Variants in ZNF469 observed in about 807,000 individuals in gnomAD.
ZNF469 encodes the protein zinc finger protein 469.
A neutral mutation model predicts 1.0 loss-of-function variants in ZNF469; 1 was observed. The observed-to-expected ratio is 1.00, with a 90% CI of 0.35 to 4.73. The LOEUF (loss-of-function observed/expected upper bound fraction) is 4.73. ZNF469 is among the 30% of genes most tolerant of loss of function. The pLI is 0.16. For synonymous variants in ZNF469, 2,703 were observed against 2,363.4 expected, an observed-to-expected ratio of 1.14 and a Z score of -4.17; for missense variants, 6,100 against 5,356.3, an observed-to-expected ratio of 1.14 and a Z score of -4.33.
chr16:88,316,102 G>A, the ZNF469 span, among the ~76,000 whole-genome samples: 1 of 152,244 alleles, frequency 6.6e-6, no homozygotes, highest in African/African-American at 2.4e-5. Context: ...AGCAGGGCCG[G>A]CCGCCCCTCA....
intron 1 of ZNF469, among the ~76,000 whole-genome samples, chr16:88,388,119 C>T (rs1904385789): frequency 2.0e-5 from 3 of 152,224 alleles, no homozygotes; most frequent in South Asian, 2.1e-4. Flanking sequence ...GCCGAGCAGG[C>T]GCGAGGGTGT....
chr16:88,429,675 G>T lies in ZNF469; in HGVS notation c.2205G>T (p.Gln735His). 1 of 1,542,276 alleles carries T rather than the reference G, an allele frequency of 6.5e-7. No individual in the cohort carries two copies. The highest frequency in any genetic ancestry group is 8.8e-7 in the Non-Finnish European group (1 of 1,141,628). Residue 735 changes from glutamine (Q) to histidine (H), a missense_variant, in exon 3 of 3, where the codon CAG (glutamine) becomes CAT (histidine). Gln to His is a conservative substitution (Grantham distance 24). Transcript: ENST00000565624. ...TGGACGTGCTGCTGACCTGCAGGCA[G>T]TGTGACCGCAACTACAGCAGCCTGG... is the stretch of plus-strand genomic sequence containing the variant. ...DQLDVLLTCR[Q>H]CDRNYSSLAA...
the ZNF469 span, among the ~76,000 whole-genome samples, chr16:88,163,610 GTAGA>G: frequency 4.9e-5 from 5 of 103,000 alleles, no homozygotes; most frequent in African/African-American, 1.7e-4. Context: ...ATGTGCATTG[GTAGA>G]TGGATGGATG....
chr16:88,158,037 G>T, the ZNF469 span, among the ~76,000 whole-genome samples: 1 of 152,068 alleles, frequency 6.6e-6, no homozygotes, highest in Admixed American at 6.5e-5. Flanking sequence ...AGGTCCTGCT[G>T]CGGGGATGCT....
At position 88,431,036 on chromosome 16, in the gene ZNF469, C is replaced by G; in HGVS notation, c.3566C>G (p.Pro1189Arg). ...ETGAAAREGG[P>R]KCADRPSVAP... ...GGAGCGGCCGCCAGGGAGGGAGGCC[C>G]CAAGTGTGCTGATCGCCCCTCAGTG... The change falls in exon 3 of 3, where the codon CCC becomes CGC. Residue 1189 changes from proline to arginine, a missense_variant. Pro to Arg is a moderately radical substitution (Grantham distance 103, BLOSUM62 -2). Transcript: ENST00000565624. 1.9e-6 allele frequency: 3 copies of G among 1,547,126 alleles called. No individual in the cohort carries two copies. The highest frequency in any genetic ancestry group is 2.6e-6 in the Non-Finnish European group (3 of 1,146,718).
the ZNF469 span, among the ~76,000 whole-genome samples, chr16:88,298,271 G>A: frequency 6.6e-6 from 1 of 152,176 alleles, no homozygotes; most frequent in African/African-American, 2.4e-5. Context: ...CGGCACCCCT[G>A]GTCAGGGCTT....
chr16:88,265,099 A>T, the ZNF469 span, among the ~76,000 whole-genome samples: 1 of 151,706 alleles, frequency 6.6e-6, no homozygotes, highest in Non-Finnish European at 1.5e-5. Flanking sequence ...CTCCGCCCTC[A>T]TCCTGTCAGG....
chr16:88,249,131 G>A, the ZNF469 span, among the ~76,000 whole-genome samples: 4 of 151,904 alleles, frequency 2.6e-5, no homozygotes, highest in Non-Finnish European at 4.4e-5. Context: ...AGTATCCCAT[G>A]TCCCAGGTGC....
chr16:88,268,923 A>T, the ZNF469 span, among the ~76,000 whole-genome samples: 2 of 152,200 alleles, frequency 1.3e-5, no homozygotes, highest in Admixed American at 1.3e-4. Context: ...ATCCTTGGAC[A>T]CATAGAGCCC....
chr16:88,263,111 G>A, the ZNF469 span, among the ~76,000 whole-genome samples: 3 of 152,210 alleles, frequency 2.0e-5, no homozygotes, highest in Non-Finnish European at 4.4e-5. Context: ...CCAGGGATTC[G>A]TGTCTGAGTT....
the ZNF469 span, among the ~76,000 whole-genome samples, chr16:88,370,028 A>T: frequency 8.5e-5 from 13 of 152,350 alleles, no homozygotes; most frequent in East Asian, 2.5e-3. Context: ...TGGACACTCC[A>T]GCAAAACCCA....
chr16:88,226,105 G>A, the ZNF469 span, among the ~76,000 whole-genome samples: 1,325 of 152,292 alleles, frequency 8.7e-3, 27 homozygotes, highest in African/African-American at 0.03. Context: ...TCATGAAACC[G>A]AGCCAGAGAT....
chr16:88,137,995 T>C, the ZNF469 span, among the ~76,000 whole-genome samples: 2 of 152,266 alleles, frequency 1.3e-5, no homozygotes, highest in Admixed American at 1.3e-4. Context: ...GGAGAGTTGC[T>C]GGTGTGGCCT....
chr16:88,366,946 C>G, the ZNF469 span, among the ~76,000 whole-genome samples: 1 of 152,090 alleles, frequency 6.6e-6, no homozygotes, highest in African/African-American at 2.4e-5. Flanking sequence ...TGAGCAATAA[C>G]AGTGCTAACA....
At chr16:88,191,274 T>C in the ZNF469 span, among the ~76,000 whole-genome samples, 1 of 151,830 alleles carries the variant, frequency 6.6e-6, no homozygotes, top group Admixed American at 6.6e-5. Context: ...TTTGGAAGAG[T>C]GAAGGGCACC....
intron 2 of ZNF469, among the ~76,000 whole-genome samples, chr16:88,425,584 C>G (rs1270969358): frequency 6.6e-6 from 1 of 152,204 alleles, no homozygotes; most frequent in African/African-American, 2.4e-5. Flanking sequence ...GCCTGGATTC[C>G]TCACCCATAA....
the ZNF469 span, among the ~76,000 whole-genome samples, chr16:88,324,334 C>T: frequency 5.4e-5 from 8 of 147,152 alleles, no homozygotes; most frequent in African/African-American, 2.0e-4. Context: ...CACACACACC[C>T]CTTATGGGAG....
At chr16:88,288,268 C>A in the ZNF469 span, among the ~76,000 whole-genome samples, 1 of 151,990 alleles carries the variant, frequency 6.6e-6, no homozygotes, top group Non-Finnish European at 1.5e-5. Context: ...GGAGCATGCC[C>A]CCAGTAGCTT....
chr16:88,344,518 A>C, the ZNF469 span, among the ~76,000 whole-genome samples: 1 of 152,170 alleles, frequency 6.6e-6, no homozygotes, highest in African/African-American at 2.4e-5. Context: ...TGCTCTGCAG[A>C]GTGAAAGTCC....
Sources: allele counts gnomAD v4.1 joint callset (sites outside exome capture counted in the v4.1 genomes callset), GRCh38; gene constraint gnomAD v4.1.1; transcripts MANE v1.5; gene names NCBI Gene and HGNC (gene_info 2026-07-23, HGNC 2026-07-21).